Variants in FILIP1 observed in about 807,000 individuals in gnomAD.
FILIP1 encodes filamin A interacting protein 1.
A neutral mutation model predicts 102.1 loss-of-function variants in FILIP1; 61 were observed. The observed-to-expected ratio is 0.60, with a 90% CI of 0.49 to 0.74. The LOEUF (loss-of-function observed/expected upper bound fraction) is 0.74. Ranked by LOEUF, FILIP1 falls within the 30% of genes least tolerant of loss-of-function variation. The probability of loss-of-function intolerance (pLI) is 0.00; values close to 1 mark genes in which losing one functional copy is unlikely to be tolerated. For missense variants in FILIP1, 1,314 were observed against 1,441.2 expected, an observed-to-expected ratio of 0.91 and a Z score of 1.43; for synonymous variants, 491 against 526.9, an observed-to-expected ratio of 0.93 and a Z score of 0.93.
At chr6:75,386,208 G>A (rs1483738852) in intron 2 of FILIP1, 1 of 152,110 alleles carries the variant, frequency 6.6e-6, no homozygotes, top group Admixed American at 6.6e-5. Flanking sequence ...TCATAATCGT[G>A]CTTCATCATC....
chr6:75,352,643 T>C (rs1307014538), intron 4 of FILIP1, among the ~76,000 whole-genome samples: 1 of 152,078 alleles, frequency 6.6e-6, no homozygotes, highest in Non-Finnish European at 1.5e-5. Context: ...GTAGTTCTAG[T>C]CATTAAGTGA....
rs1262221323 is a variant in FILIP1, at chr6:75,319,018, C to T, written c.630-3816G>A. 4 of 678,732 alleles carry T rather than the reference C, an allele frequency of 5.9e-6. No homozygotes were observed. In the Admixed American group the frequency reaches 8.3e-5, roughly 14 times the overall value. 42.0% of individuals were successfully genotyped at this position (678,732 alleles called of 1,614,324 possible). A position where few individuals can be genotyped will look rare whatever the true frequency, so the allele number is the denominator to read the frequency against. ...TTTATAGACATGAAAAAAAACTGTG[C>T]TAGAACCAACTTATTCATCATCGTC... On this transcript the variant is annotated intron_variant, in intron 4 of 5. Transcript: ENST00000237172.
At position 75,476,237 on chromosome 6, in the gene FILIP1, T is replaced by A. The variant is rs573821032; in HGVS notation, c.-7+17177A>T. Among the ~76,000 whole-genome samples the A allele has an allele frequency of 5.1e-5, 4 of 78,162 alleles. No individual in the cohort carries two copies. In the South Asian group the frequency reaches 2.0e-3, roughly 40 times the overall value. 51.3% of individuals were successfully genotyped at this position (78,162 alleles called of 152,430 possible). On this transcript the variant is annotated intron_variant, in intron 1 of 5. Transcript: ENST00000237172. ...GCCTGGGCGACAGAGCAAGACTCCA[T>A]CTCAAAAAAAAAAAAAAAAAAGTGA...
rs753495863 is a variant in FILIP1 at position 75,313,487 on chromosome 6, T to A, written c.2345A>T (p.Tyr782Phe). The change falls in exon 5 of 6, where the codon TAC (tyrosine) becomes TTC (phenylalanine). Residue 782 changes from tyrosine (Y) to phenylalanine (F), a missense_variant. Around this residue, in one of 3 missense-constraint regions of FILIP1, gnomAD observed 816 missense variants for 913.1 expected, o/e 0.89. Transcript: ENST00000237172. The surrounding 1 kb of genome is among the most constrained non-coding windows in gnomAD (Gnocchi z 4.2). ...CACACTGGGCCTAAGAGCTCTGCTG[T>A]AGCGCTTGGAAAGCTCCAACTCTTT... ...LTKELELSKR[Y>F]SRALRPSVNG... is the part of the protein sequence containing the mutation. 1 of 1,614,234 alleles carries A rather than the reference T, an allele frequency of 6.2e-7. No individual in the cohort carries two copies. Among genetic ancestry groups the A allele is most frequent in the Non-Finnish European group, 8.5e-7 (1 of 1,180,044 alleles).
At chr6:75,321,320 T>C (rs75683867) in intron 4 of FILIP1, among the ~76,000 whole-genome samples, 5,200 of 152,222 alleles carry the variant, frequency 0.034, 235 homozygotes, top group East Asian at 0.11. Context: ...CTTGGGTCTA[T>C]TGGGAAGAAC....
chr6:75,426,511 G>C (rs1777631409), intron 1 of FILIP1, among the ~76,000 whole-genome samples: 1 of 152,160 alleles, frequency 6.6e-6, no homozygotes, highest in Non-Finnish European at 1.5e-5. Flanking sequence ...AGGAGATACA[G>C]AAGTGGCCAC....
rs758395226 is a variant in FILIP1, at chr6:75,313,117, CT to C, written c.2714del (p.Lys905SerfsTer10). The C allele has an allele frequency of 6.2e-7, 1 of 1,614,148 alleles. No homozygotes were observed. Among genetic ancestry groups the C allele is most frequent in the East Asian group, 2.2e-5 (1 of 44,886 alleles). ...GHPGEVVLSPKQGQPLHIRVT... is the reference protein window; with the variant it reads ...GHPGEVVLSPXQGQPLHIRVT... ...CTCGAATATGCAGGGGCTGGCCCTG[CT>C]TTGGTGAAAGGACTACCTCTCCTGG... On this transcript the variant is annotated frameshift_variant, in exon 5 of 6. Coordinates refer to ENST00000237172, the MANE Select transcript of FILIP1 (RefSeq NM_015687.5). LOFTEE classifies it high-confidence loss of function. This position sits in a 1 kb window ranked among gnomAD's most constrained non-coding sequence, Gnocchi z 4.2.
At chr6:75,411,475 G>A (rs528669174) in intron 2 of FILIP1, among the ~76,000 whole-genome samples, 65 of 152,292 alleles carry the variant, frequency 4.3e-4, no homozygotes, top group African/African-American at 1.5e-3. Context: ...TGGTGTTTTA[G>A]TCAAGAAGTC....
downstream of FILIP1, among the ~76,000 whole-genome samples, chr6:75,304,820 A>T (rs1475181756): frequency 1.3e-5 from 2 of 152,216 alleles, no homozygotes; most frequent in Non-Finnish European, 2.9e-5. Flanking sequence ...GGCTCAGGGA[A>T]GTGGTAAGGA....
At chr6:75,297,291 A>G (rs1204208896) in intron 6 of FILIP1, among the ~76,000 whole-genome samples, 3 of 152,200 alleles carry the variant, frequency 2.0e-5, no homozygotes, top group Non-Finnish European at 1.5e-5. Context: ...ATAGACTTAT[A>G]GGTTCATAGT....
intron 1 of FILIP1, among the ~76,000 whole-genome samples, chr6:75,440,245 A>T (rs1186305023): frequency 6.6e-6 from 1 of 152,196 alleles, no homozygotes; most frequent in African/African-American, 2.4e-5. Context: ...CAAAATGAAA[A>T]GCAAAAAAGC....
intron 4 of FILIP1, among the ~76,000 whole-genome samples, chr6:75,348,725 C>T (rs1233237398): frequency 6.6e-6 from 1 of 152,222 alleles, no homozygotes; most frequent in African/African-American, 2.4e-5. Flanking sequence ...CATTAACCTT[C>T]TGTGATAACT....
intron 2 of FILIP1, among the ~76,000 whole-genome samples, chr6:75,391,578 C>G (rs968784582): frequency 1.3e-5 from 2 of 152,158 alleles, no homozygotes; most frequent in African/African-American, 4.8e-5. Flanking sequence ...TCCCCTATCA[C>G]TAGAAGTAAA....
chr6:75,344,690 C>T (rs1344134913), intron 4 of FILIP1, among the ~76,000 whole-genome samples: 1 of 152,190 alleles, frequency 6.6e-6, no homozygotes, highest in African/African-American at 2.4e-5. Flanking sequence ...CTGGTTGTGA[C>T]CAGCATTTAC....
chr6:75,324,666 T>A lies in FILIP1; in HGVS notation c.630-9464A>T, dbSNP rs568650458. On this transcript the variant is annotated intron_variant, in intron 4 of 5. Transcript: ENST00000237172. ...AAGCGAAAAAACAAATCTAGAGGCA[T>A]CAATTACCTGATTTCAAACTATGCT... Among the ~76,000 whole-genome samples the A allele has an allele frequency of 5.9e-5, 9 of 152,240 alleles. No homozygotes were observed. The South Asian group carries it at 1.9e-3, about 32-fold the overall frequency.
chr6:75,411,693 T>G (rs1037622112), intron 2 of FILIP1, among the ~76,000 whole-genome samples: 2 of 152,228 alleles, frequency 1.3e-5, no homozygotes, highest in African/African-American at 4.8e-5. Context: ...CATTGCTTGT[T>G]TTTGTCAGGT....
intron 1 of FILIP1, among the ~76,000 whole-genome samples, chr6:75,480,372 C>A (rs2149777442): frequency 6.8e-6 from 1 of 146,616 alleles, no homozygotes; most frequent in African/African-American, 2.5e-5. Flanking sequence ...ATTCTGATAC[C>A]ACCGCCTAAG....
chr6:75,312,365 CA>C (rs1562434298), intron 5 of FILIP1, 31 bp downstream of exon 5: 1 of 1,587,658 alleles, frequency 6.3e-7, no homozygotes, highest in South Asian at 1.2e-5. Context: ...CCTCCCTCTG[CA>C]GGCCTGCGCT....
chr6:75,348,730 AT>A lies in FILIP1; in HGVS notation c.629+4808del, dbSNP rs1774681772. 2.6e-5 allele frequency among the ~76,000 whole-genome samples: 4 copies of A among 152,242 alleles called. No individual in the cohort carries two copies. In the South Asian group the frequency reaches 8.3e-4, roughly 32 times the overall value. On this transcript the variant is annotated intron_variant, in intron 4 of 5. Coordinates refer to ENST00000237172, the MANE Select transcript of FILIP1 (RefSeq NM_015687.5). Reference sequence around the variant, plus strand: ...CCATAAACCTCATTAACCTTCTGTGATAACTACCCCAAATAGAAAGCAAGCT... The same window carrying A: ...CCATAAACCTCATTAACCTTCTGTGAAACTACCCCAAATAGAAAGCAAGCT...
Sources: allele counts gnomAD v4.1 joint callset (sites outside exome capture counted in the v4.1 genomes callset), GRCh38; gene constraint gnomAD v4.1.1; regional missense constraint gnomAD v4.1.1; non-coding constraint Gnocchi (gnomAD v3.1); transcripts MANE v1.5; gene names NCBI Gene and HGNC (gene_info 2026-07-23, HGNC 2026-07-21).